Variants in HS6ST3 observed in about 807,000 individuals in gnomAD.
HS6ST3 encodes the protein heparan-sulfate 6-O-sulfotransferase 3.
HS6ST3 carries 12 observed loss-of-function variants against 36.7 expected under a neutral mutation model. The ratio of observed to expected loss-of-function variants is 0.33; its 90% CI spans 0.21 to 0.53. The LOEUF (loss-of-function observed/expected upper bound fraction) is 0.53. Ranked by LOEUF, HS6ST3 falls within the 20% of genes least tolerant of loss-of-function variation. HS6ST3 has a pLI of 0.95. For missense variants in HS6ST3, 584 were observed against 640.9 expected, an observed-to-expected ratio of 0.91 and a Z score of 0.96; for synonymous variants, 240 against 257.5, an observed-to-expected ratio of 0.93 and a Z score of 0.65.
chr13:96,543,416 C>T (rs188517696), intron 1 of HS6ST3, among the ~76,000 whole-genome samples: 46 of 152,256 alleles, frequency 3.0e-4, no homozygotes, highest in African/African-American at 9.1e-4. Context: ...GAAAAAGAAG[C>T]GCAGTCTTCA....
At chr13:96,708,881 A>G (rs945437558) in intron 1 of HS6ST3, among the ~76,000 whole-genome samples, 4 of 152,188 alleles carry the variant, frequency 2.6e-5, no homozygotes, top group Non-Finnish European at 5.9e-5. Flanking sequence ...GAAAAAATAA[A>G]GGTTGGATAC....
chr13:96,429,753 G>C lies in HS6ST3; in HGVS notation c.707+338184G>C, dbSNP rs2055605360. On this transcript the variant is annotated intron_variant, in intron 1 of 1. Transcript: ENST00000376705. ...ACCCTCTAAGAATTCAGGTAAAGCA[G>C]ATAGTCTGTAGGTTCGATAGAAAAT... Among the ~76,000 whole-genome samples, 4 of 152,332 alleles carry C rather than the reference G, an allele frequency of 2.6e-5. No individual in the cohort carries two copies. The South Asian group carries it at 8.3e-4, about 32-fold the overall frequency.
intron 1 of HS6ST3, among the ~76,000 whole-genome samples, chr13:96,701,449 G>T (rs1192181162): frequency 3.3e-5 from 5 of 152,078 alleles, no homozygotes; most frequent in Non-Finnish European, 1.5e-5. Context: ...ATTGGGAGTG[G>T]TTAAATATAC....
chr13:96,116,820 C>T (rs1222298996), intron 1 of HS6ST3, among the ~76,000 whole-genome samples: 1 of 152,150 alleles, frequency 6.6e-6, no homozygotes, highest in African/African-American at 2.4e-5. Flanking sequence ...ATTATGTTGG[C>T]ACCTGACTTG....
intron 1 of HS6ST3, among the ~76,000 whole-genome samples, chr13:96,179,514 T>G (rs1298154749): frequency 6.6e-6 from 1 of 152,248 alleles, no homozygotes; most frequent in Non-Finnish European, 1.5e-5. Context: ...TCTACGAAGC[T>G]CTGTGCTGGG....
chr13:96,301,610 G>A (rs1027453751), intron 1 of HS6ST3, among the ~76,000 whole-genome samples: 1 of 152,036 alleles, frequency 6.6e-6, no homozygotes, highest in Admixed American at 6.6e-5. Context: ...ATAATTTTCT[G>A]GCCGGGTGCG....
intron 1 of HS6ST3, among the ~76,000 whole-genome samples, chr13:96,134,703 G>A (rs1018149959): frequency 2.0e-5 from 3 of 152,154 alleles, no homozygotes; most frequent in Admixed American, 6.5e-5. Flanking sequence ...TCTTGCCTCT[G>A]TAGTCTTGGA....
intron 1 of HS6ST3, among the ~76,000 whole-genome samples, chr13:96,269,607 A>T (rs1327408025): frequency 6.6e-6 from 1 of 151,978 alleles, no homozygotes; most frequent in Non-Finnish European, 1.5e-5. Flanking sequence ...TTGAATTAGC[A>T]CCAGGATGAA....
chr13:96,355,400 C>A (rs868319749), intron 1 of HS6ST3, among the ~76,000 whole-genome samples: 2 of 138,314 alleles, frequency 1.4e-5, no homozygotes, highest in East Asian at 2.0e-4. Flanking sequence ...CACACACACA[C>A]ACAAACACAC....
At chr13:96,546,672 C>G (rs558364041) in intron 1 of HS6ST3, among the ~76,000 whole-genome samples, 8 of 152,246 alleles carry the variant, frequency 5.3e-5, no homozygotes, top group Admixed American at 3.3e-4. Context: ...GAAGAATTTG[C>G]ATAAAACCAT....
intron 1 of HS6ST3, among the ~76,000 whole-genome samples, chr13:96,544,909 T>TTCACAAATTCACAAAA (rs2056192197): frequency 6.6e-6 from 1 of 152,190 alleles, no homozygotes; most frequent in Non-Finnish European, 1.5e-5. Flanking sequence ...CACAAATGTA[T>TTCACAAATTCACAAAA]TGCTTTAAAA....
chr13:96,734,127 C>T (rs1876224380), intron 1 of HS6ST3, among the ~76,000 whole-genome samples: 1 of 152,208 alleles, frequency 6.6e-6, no homozygotes, highest in African/African-American at 2.4e-5. Context: ...CTGGCCACTT[C>T]ACTCAGACCC....
chr13:96,560,427 G>A (rs908082467), intron 1 of HS6ST3, among the ~76,000 whole-genome samples: 4 of 152,066 alleles, frequency 2.6e-5, no homozygotes, highest in Non-Finnish European at 5.9e-5. Context: ...ATACTGAACA[G>A]GGAAAAACTG....
rs553837691 is a variant in HS6ST3, at chr13:96,197,119, A to G, written c.707+105550A>G. On this transcript the variant is annotated intron_variant, in intron 1 of 1. Coordinates refer to ENST00000376705, the MANE Select transcript of HS6ST3 (RefSeq NM_153456.4). Reference sequence around the variant, plus strand: ...GATGATAGAAATTTCTTTAGCTTTTAGGGCCAAAGTACATCTGTATTAGTC... The same window carrying G: ...GATGATAGAAATTTCTTTAGCTTTTGGGGCCAAAGTACATCTGTATTAGTC... Among the ~76,000 whole-genome samples, 14 of 152,348 alleles carry G rather than the reference A, an allele frequency of 9.2e-5. 1 individual carries two copies. The highest frequency in any genetic ancestry group is 3.1e-4 in the African/African-American group (13 of 41,572).
chr13:96,821,132 G>C (rs1238796514), intron 1 of HS6ST3, among the ~76,000 whole-genome samples: 1 of 152,216 alleles, frequency 6.6e-6, no homozygotes, highest in Non-Finnish European at 1.5e-5. Context: ...CTGGGCTCAG[G>C]AAAACTGTTT....
intron 1 of HS6ST3, among the ~76,000 whole-genome samples, chr13:96,645,587 C>T (rs889604067): frequency 4.6e-5 from 7 of 151,482 alleles, no homozygotes; most frequent in African/African-American, 1.5e-4. Flanking sequence ...ATTATAAGCA[C>T]TTTGGCTAGA....
chr13:96,595,261 G>A (rs1304781292), intron 1 of HS6ST3, among the ~76,000 whole-genome samples: 1 of 152,042 alleles, frequency 6.6e-6, no homozygotes, highest in Non-Finnish European at 1.5e-5. Context: ...TGCCAAGGCT[G>A]GTCTCAAACT....
At chr13:96,660,218 T>C (rs1222908010) in intron 1 of HS6ST3, among the ~76,000 whole-genome samples, 3 of 152,086 alleles carry the variant, frequency 2.0e-5, no homozygotes, top group African/African-American at 7.2e-5. Flanking sequence ...CTACCACTTA[T>C]TAACCATACA....
chr13:96,130,893 C>A (rs923398391), intron 1 of HS6ST3, among the ~76,000 whole-genome samples: 3 of 151,992 alleles, frequency 2.0e-5, no homozygotes, highest in African/African-American at 7.3e-5. Flanking sequence ...TCATTCCTTG[C>A]AGTTATTAGA....
Sources: allele counts gnomAD v4.1 joint callset (sites outside exome capture counted in the v4.1 genomes callset), GRCh38; gene constraint gnomAD v4.1.1; transcripts MANE v1.5; gene names NCBI Gene and HGNC (gene_info 2026-07-23, HGNC 2026-07-21).